Variants in LRRC2 observed in about 807,000 individuals in gnomAD.
The protein encoded by LRRC2 is leucine-rich repeat-containing protein 2.
In LRRC2, 27 loss-of-function variants were observed where a neutral mutation model predicts 40.2. The ratio of observed to expected loss-of-function variants is 0.67; its 90% CI spans 0.49 to 0.93. The LOEUF is 0.93. Among genes scored for constraint, LRRC2 ranks in the 40% least tolerant of loss-of-function variants. The probability of loss-of-function intolerance (pLI) is 0.00; values close to 1 mark genes in which losing one functional copy is unlikely to be tolerated. For synonymous variants in LRRC2, 147 were observed against 158.9 expected, an observed-to-expected ratio of 0.92 and a Z score of 0.56; for missense variants, 402 against 439.6, an observed-to-expected ratio of 0.91 and a Z score of 0.76.
At chr3:46,561,270 G>A (rs1704933878) in intron 1 of LRRC2, among the ~76,000 whole-genome samples, 2 of 152,118 alleles carry the variant, frequency 1.3e-5, no homozygotes, top group Admixed American at 6.6e-5. Flanking sequence ...TGGGTGCAGT[G>A]GCTCCCACCT....
At chr3:46,543,156 C>G (rs951204938) in intron 3 of LRRC2, among the ~76,000 whole-genome samples, 14 of 152,180 alleles carry the variant, frequency 9.2e-5, no homozygotes, top group Admixed American at 9.2e-4. Flanking sequence ...TCTTCCTGGA[C>G]TCTCCTGTAC....
At chr3:46,543,969 C>T (rs1704462716) in intron 3 of LRRC2, among the ~76,000 whole-genome samples, 1 of 152,096 alleles carries the variant, frequency 6.6e-6, no homozygotes, top group African/African-American at 2.4e-5. Flanking sequence ...CTCTCAATAG[C>T]ACTCAGATAG....
chr3:46,555,658 C>T (rs898196106), intron 1 of LRRC2, among the ~76,000 whole-genome samples: 6 of 152,156 alleles, frequency 3.9e-5, no homozygotes, highest in African/African-American at 1.4e-4. Context: ...CCTACATTCC[C>T]ACCTTTATGT....
At position 46,517,802 on chromosome 3, in the gene LRRC2, C is replaced by T. The variant is rs1484689791; in HGVS notation, c.*1212G>A. The T allele has an allele frequency of 6.6e-6, 1 of 152,206 alleles. No individual in the cohort carries two copies. The highest frequency in any genetic ancestry group is 2.4e-5 in the African/African-American group (1 of 41,454). 9.4% of individuals were successfully genotyped at this position (152,206 alleles called of 1,614,324 possible). A position where few individuals can be genotyped will look rare whatever the true frequency, so the allele number is the denominator to read the frequency against. On this transcript the variant is annotated 3_prime_UTR_variant, in exon 9 of 9. Transcript: ENST00000395905. ...GTCTTGTAATGAATCCCACCTCTCC[C>T]AAATTCAAACAGCCCATGGGCTCCC...
Position 46,545,245 on chromosome 3 carries a change from T to G in LRRC2, c.134A>C (p.Glu45Ala). ...LEKSALEKIK[E>A]EWNFVAECRR... ...GCATTCGGCCACAAAGTTCCACTCC[T>G]CCTTTATCCTAAAACAGGCAGCAGG... The change falls in exon 3 of 9, where the codon GAG becomes GCG. Residue 45 changes from glutamate (E) to alanine (A), a missense_variant. Transcript: ENST00000395905. The G allele has an allele frequency of 6.2e-7, 1 of 1,614,016 alleles. No homozygotes were observed. Among genetic ancestry groups the G allele is most frequent in the Non-Finnish European group, 8.5e-7 (1 of 1,179,948 alleles).
chr3:46,519,027 C>T lies in LRRC2; in HGVS notation c.1103G>A (p.Ser368Asn). The T allele has an allele frequency of 6.2e-7, 1 of 1,608,854 alleles. No individual in the cohort carries two copies. Residue 368 changes from serine (S) to asparagine (N), a missense_variant, in exon 9 of 9, where the codon AGC becomes AAC. Transcript: ENST00000395905. ...TTCTGATGGATATCAAAGTTGAAGG[C>T]TAAAAGACACTTTGGTGGTATAGCT... ...VPSYTTKVSF[S>N]LQL
At chr3:46,553,514 T>C (rs368789348) in intron 1 of LRRC2, among the ~76,000 whole-genome samples, 1 of 152,074 alleles carries the variant, frequency 6.6e-6, no homozygotes, top group East Asian at 1.9e-4. Context: ...GTGATCCAGG[T>C]GCAATCACTG....
chr3:46,557,687 C>A (rs73071917), intron 1 of LRRC2: 4 of 152,174 alleles, frequency 2.6e-5, no homozygotes, highest in Non-Finnish European at 5.9e-5. Flanking sequence ...TGAGGGAGCA[C>A]ATCCAAGGAA....
rs1293024169 is a variant in LRRC2, at chr3:46,517,618, G to A, written c.*1396C>T. On this transcript the variant is annotated 3_prime_UTR_variant, in exon 9 of 9. Transcript: ENST00000395905. ...AGCCTCCCATAGTGCTGGGATTATA[G>A]GTGTGAGCCACCGTGCCCGGCCAAA... The A allele has an allele frequency of 6.6e-6, 1 of 152,176 alleles. No homozygotes were observed. Among genetic ancestry groups the A allele is most frequent in the African/African-American group, 2.4e-5 (1 of 41,426 alleles). The allele number at this position is 152,176 out of a possible 1,614,324, so 9.4% of individuals were successfully genotyped here.
chr3:46,532,026 C>G (rs1023992953), intron 5 of LRRC2, among the ~76,000 whole-genome samples: 41 of 152,136 alleles, frequency 2.7e-4, no homozygotes, highest in African/African-American at 9.4e-4. Flanking sequence ...CCAAAAGAAA[C>G]TAATGAATAT....
chr3:46,526,471 CCA>C (rs986176834), intron 7 of LRRC2, among the ~76,000 whole-genome samples: 1 of 152,162 alleles, frequency 6.6e-6, no homozygotes, highest in African/African-American at 2.4e-5. Flanking sequence ...AAACAATATT[CCA>C]CACACAGCCA....
chr3:46,536,699 C>T (rs143038691), intron 4 of LRRC2, among the ~76,000 whole-genome samples: 234 of 152,214 alleles, frequency 1.5e-3, no homozygotes, highest in African/African-American at 5.3e-3. Context: ...GGATCTTGGG[C>T]GTTTAGATTT....
At chr3:46,525,381 CCTAGGACTACAGGGG>C (rs1221464390) in intron 7 of LRRC2, among the ~76,000 whole-genome samples, 2 of 151,532 alleles carry the variant, frequency 1.3e-5, no homozygotes, top group African/African-American at 4.9e-5. Flanking sequence ...CTCCCAAGTA[CCTAGGACTACAGGGG>C]CATATCACCA....
At chr3:46,539,885 A>G (rs1340031261) in intron 3 of LRRC2, among the ~76,000 whole-genome samples, 1 of 152,180 alleles carries the variant, frequency 6.6e-6, no homozygotes. Context: ...AGCTGAAGAA[A>G]TCTAATTCAC....
At chr3:46,532,669 TAAAG>T (rs1704182307) in intron 5 of LRRC2, 100 bp downstream of exon 5, 1 of 1,227,228 alleles carries the variant, frequency 8.1e-7, no homozygotes, top group African/African-American at 1.5e-5. Flanking sequence ...GGTGATATAA[TAAAG>T]ATAGATTTCA....
chr3:46,523,417 A>C lies in LRRC2; in HGVS notation c.930-1759T>G, dbSNP rs942724645. ...TAAAATACCTTTTACCTTAGGACAA[A>C]TACTTTCCTGTCATTCAATCAAGTG... On this transcript the variant is annotated intron_variant, in intron 7 of 8. Coordinates refer to ENST00000395905, the MANE Select transcript of LRRC2 (RefSeq NM_024512.5). Among the ~76,000 whole-genome samples, 13 of 152,152 alleles carry C rather than the reference A, an allele frequency of 8.5e-5. No individual in the cohort carries two copies. The South Asian group carries it at 1.0e-3, about 12-fold the overall frequency.
chr3:46,547,140 CT>C (rs904222908), intron 2 of LRRC2, among the ~76,000 whole-genome samples: 3 of 152,138 alleles, frequency 2.0e-5, no homozygotes, highest in African/African-American at 7.2e-5. Flanking sequence ...CAAATGTCAC[CT>C]TCTTAATCAG....
chr3:46,532,035 AT>A (rs1704169099), intron 5 of LRRC2, among the ~76,000 whole-genome samples: 1 of 152,224 alleles, frequency 6.6e-6, no homozygotes, highest in South Asian at 2.1e-4. Context: ...ACTAATGAAT[AT>A]TTTTAAATTA....
intron 5 of LRRC2, 83 bp downstream of exon 5, chr3:46,532,690 A>T: frequency 7.2e-7 from 1 of 1,385,690 alleles, no homozygotes; most frequent in Non-Finnish European, 1.0e-6. Context: ...TTCATATGTT[A>T]AAACTTCTTG....
Sources: allele counts gnomAD v4.1 joint callset (sites outside exome capture counted in the v4.1 genomes callset), GRCh38; gene constraint gnomAD v4.1.1; transcripts MANE v1.5; gene names NCBI Gene and HGNC (gene_info 2026-07-23, HGNC 2026-07-21).